The following POSTN variants were observed in gnomAD, a reference collection of about 807,000 sequenced individuals.
The protein encoded by POSTN is osteoblast specific factor 2 (fasciclin I-like).
POSTN carries 71 observed loss-of-function variants against 104.5 expected under a neutral mutation model. That is an observed-to-expected ratio of 0.68 (90% CI 0.56 to 0.83). The LOEUF is 0.83. Ranked by LOEUF, POSTN falls within the 40% of genes least tolerant of loss-of-function variation. The pLI is 0.00. For missense variants in POSTN, 949 were observed against 1,006.8 expected (o/e 0.94, Z 0.78); for synonymous variants, 355 against 340.7 (o/e 1.04, Z -0.46).
intron 19 of POSTN, 140 bp downstream of exon 19, chr13:37,570,440 T>G: frequency 1.7e-6 from 1 of 586,286 alleles, no homozygotes; most frequent in Non-Finnish European, 3.0e-6. Flanking sequence ...AGAATAATAT[T>G]ATATCTGCCA....
intron 17 of POSTN, 171 bp from the exon 18 acceptor site, chr13:37,571,629 G>A (rs1417781312): frequency 3.9e-6 from 2 of 513,650 alleles, no homozygotes; most frequent in Non-Finnish European, 3.4e-6. Context: ...TTAGACAAGA[G>A]TTATGAGAAC....
chr13:37,590,472 T>G lies in POSTN; in HGVS notation c.341A>C (p.Gln114Pro). 6.2e-7 allele frequency: 1 copy of G among 1,613,060 alleles called. No individual in the cohort carries two copies. The highest frequency in any genetic ancestry group is 8.5e-7 in the Non-Finnish European group (1 of 1,179,280). Residue 114 changes from glutamine to proline, a missense_variant, in exon 4 of 23, where the codon CAG becomes CCG. Gln to Pro is a moderately conservative substitution (Grantham distance 76, BLOSUM62 -1). Coordinates refer to ENST00000379747, the MANE Select transcript of POSTN (RefSeq NM_006475.3). ...TLGIVGATTT[Q>P]RYSDASKLRE... is the part of the protein sequence containing the mutation. ...CAGTTTTGAGGCGTCAGAATAGCGCTGCGTTGTGGTGGCTCCCACGATGCC... is the reference window on the plus strand; with the variant it reads ...CAGTTTTGAGGCGTCAGAATAGCGCGGCGTTGTGGTGGCTCCCACGATGCC...
chr13:37,593,454 T>C (rs1315554227), intron 2 of POSTN, among the ~76,000 whole-genome samples: 1 of 151,524 alleles, frequency 6.6e-6, no homozygotes, highest in African/African-American at 2.4e-5. Context: ...TAAAGGTACA[T>C]GTACCAAACA....
chr13:37,574,505 C>A, intron 17 of POSTN, 67 bp downstream of exon 17: 1 of 1,504,118 alleles, frequency 6.6e-7, no homozygotes, highest in Non-Finnish European at 8.8e-7. Context: ...TAGATACATT[C>A]ATAGAGATCA....
intron 4 of POSTN, among the ~76,000 whole-genome samples, chr13:37,589,361 A>G (rs1337446273): frequency 2.6e-5 from 4 of 152,064 alleles, no homozygotes; most frequent in Non-Finnish European, 2.9e-5. Flanking sequence ...ACTTTTTATT[A>G]TTATACTTTA....
At chr13:37,583,907 A>C in intron 9 of POSTN, 62 bp downstream of exon 9, 2 of 1,550,394 alleles carry the variant, frequency 1.3e-6, no homozygotes, top group South Asian at 2.5e-5. Context: ...ATTGCAAACA[A>C]TCATCATAAA....
At chr13:37,575,451 C>A (rs956010731) in intron 16 of POSTN, among the ~76,000 whole-genome samples, 1 of 151,546 alleles carries the variant, frequency 6.6e-6, no homozygotes, top group African/African-American at 2.4e-5. Context: ...GTGTACCCCC[C>A]TAGATCTATA....
chr13:37,585,448 C>T (rs1032525959), intron 7 of POSTN, among the ~76,000 whole-genome samples: 2 of 152,138 alleles, frequency 1.3e-5, no homozygotes, highest in Non-Finnish European at 2.9e-5. Flanking sequence ...AATAGCTGCT[C>T]ATAGCAGAAT....
At position 37,592,126 on chromosome 13, in the gene POSTN, A is replaced by G. The variant is rs750635484; in HGVS notation, c.257T>C (p.Met86Thr). ...TGCTGGGCAGCCTTTCATTCCTTCC[A>G]TTCTCATATAACCAGGGCAACATTC... is the stretch of plus-strand genomic sequence containing the variant. Reference protein sequence around the residue: ...LYECCPGYMRMEGMKGCPAVL... With the variant: ...LYECCPGYMRTEGMKGCPAVL... The change falls in exon 3 of 23, where the codon ATG becomes ACG. Residue 86 changes from methionine to threonine, a missense_variant. By Grantham distance (81) the Met-to-Thr change is moderately conservative (BLOSUM62 -1). Coordinates refer to ENST00000379747, the MANE Select transcript of POSTN (RefSeq NM_006475.3). 1.2e-6 allele frequency: 2 copies of G among 1,607,650 alleles called. No homozygotes were observed. The highest frequency in any genetic ancestry group is 1.1e-5 in the South Asian group (1 of 90,894).
intron 16 of POSTN, among the ~76,000 whole-genome samples, chr13:37,576,761 T>A (rs796984428): frequency 5.3e-5 from 8 of 152,222 alleles, no homozygotes; most frequent in African/African-American, 1.9e-4. Context: ...ATTAAATCTT[T>A]AATACAGTGC....
At chr13:37,592,361 C>T (rs1314079550) in intron 2 of POSTN, among the ~76,000 whole-genome samples, 197 bp from the exon 3 acceptor site, 1 of 152,028 alleles carries the variant, frequency 6.6e-6, no homozygotes, top group Non-Finnish European at 1.5e-5. Context: ...TGCAGTGGCG[C>T]GATCTGGGTT....
rs1166394324 is a variant in POSTN, at chr13:37,590,505, C to A, written c.308G>T (p.Gly103Val). ...GGTGGCTCCCACGATGCCCAGAGTG[C>A]CATAAACATGGTCAATGGGCAAAAC... is the stretch of plus-strand genomic sequence containing the variant. The part of the protein sequence containing the change: ...PAVLPIDHVY[G>V]TLGIVGATTT... Residue 103 changes from glycine to valine, a missense_variant, in exon 4 of 23, where the codon GGC (glycine) becomes GTC (valine). Physicochemically the swap from Gly to Val is moderately radical, Grantham distance 109. Transcript: ENST00000379747. 1 of 1,612,154 alleles carries A rather than the reference C, an allele frequency of 6.2e-7. No homozygotes were observed. The highest frequency in any genetic ancestry group is 1.3e-5 in the African/African-American group (1 of 74,842).
chr13:37,577,058 G>C (rs1165374382), intron 16 of POSTN, among the ~76,000 whole-genome samples: 1 of 152,018 alleles, frequency 6.6e-6, no homozygotes, highest in African/African-American at 2.4e-5. Flanking sequence ...CTGCTTGAAA[G>C]CTACAGTGAA....
Position 37,580,675 on chromosome 13 carries a change from C to A in POSTN, c.1415G>T (p.Cys472Phe). 1 of 1,614,066 alleles carries A rather than the reference C, an allele frequency of 6.2e-7. No homozygotes were observed. Among genetic ancestry groups the A allele is most frequent in the Middle Eastern group, 1.6e-4 (1 of 6,062 alleles). Residue 472 changes from cysteine to phenylalanine, a missense_variant, in exon 11 of 23, where the codon TGC becomes TTC. By Grantham distance (205) the Cys-to-Phe change is radical. Transcript: ENST00000379747. Reference protein sequence around the residue: ...YRTAVCIENSCMEKGSKQGRN... With the variant: ...YRTAVCIENSFMEKGSKQGRN... ...CCCTTGCTTACTCCCTTTCTCCATG[C>A]ATGAATTTTCAATGCAGACAGCCTA...
intron 21 of POSTN, among the ~76,000 whole-genome samples, chr13:37,566,943 A>C (rs1463704180): frequency 6.6e-6 from 1 of 152,052 alleles, no homozygotes; most frequent in Non-Finnish European, 1.5e-5. Flanking sequence ...AAGTACAAAA[A>C]ATGTACTACA....
rs201225945 is a variant in POSTN at position 37,586,089 on chromosome 13, C to T, written c.895+50G>A. On this transcript the variant is annotated intron_variant, in intron 7 of 22. Transcript: ENST00000379747. ...GGTAAGGACTAGCCTCTTTTTTATT[C>T]CCTTCTCAGAATGCTGGGAGACTCC... 7 of 1,513,632 alleles carry T rather than the reference C, an allele frequency of 4.6e-6. No individual in the cohort carries two copies. In the Admixed American group the frequency reaches 6.3e-5, roughly 14 times the overall value. The allele number at this position is 1,513,632 out of a possible 1,614,324, so 93.8% of individuals were successfully genotyped here. A position where few individuals can be genotyped will look rare whatever the true frequency, so the allele number is the denominator to read the frequency against.
intron 19 of POSTN, 151 bp from the exon 20 acceptor site, chr13:37,569,972 T>C (rs946353304): frequency 1.7e-6 from 1 of 594,718 alleles, no homozygotes; most frequent in African/African-American, 1.9e-5. Flanking sequence ...CAGCCTTAGG[T>C]ATTATATAAA....
chr13:37,564,181 C>CATATATAT lies in POSTN; in HGVS notation c.2473+330_2473+337dup, dbSNP rs71093693. Among the ~76,000 whole-genome samples, 115 of 49,748 alleles carry CATATATAT rather than the reference C, an allele frequency of 2.3e-3. 2 individuals carry two copies. The highest frequency in any genetic ancestry group is 3.3e-3 in the Non-Finnish European group (77 of 23,026). The allele number at this position is 49,748 out of a possible 152,430, so 32.6% of individuals were successfully genotyped here. A position where few individuals can be genotyped will look rare whatever the true frequency, so the allele number is the denominator to read the frequency against. ...GTATACTTGTATATACAAAACATTA[C>CATATATAT]ATATATATATATATATATATATATA... On this transcript the variant is annotated intron_variant, in intron 22 of 22. Transcript: ENST00000379747.
At chr13:37,564,595 CAAT>C (rs1436084517) in intron 21 of POSTN, 35 bp from the exon 22 acceptor site, 1 of 1,315,090 alleles carries the variant, frequency 7.6e-7, no homozygotes, top group South Asian at 1.2e-5. Context: ...AAATACTTCG[CAAT>C]TATGGCTAAA....
Sources: allele counts gnomAD v4.1 joint callset (sites outside exome capture counted in the v4.1 genomes callset), GRCh38; gene constraint gnomAD v4.1.1; transcripts MANE v1.5; gene names NCBI Gene and HGNC (gene_info 2026-07-23, HGNC 2026-07-21).